The following TRAPPC9 variants were observed in gnomAD, a reference collection of about 807,000 sequenced individuals.
The protein encoded by TRAPPC9 is IKK2 binding protein.
Under a neutral mutation model 124.0 loss-of-function variants are expected in TRAPPC9, and 83 were observed. That is an observed-to-expected ratio of 0.67 (90% CI 0.56 to 0.80). TRAPPC9 has a LOEUF of 0.80. Among genes scored for constraint, TRAPPC9 ranks in the 30% least tolerant of loss-of-function variants. The probability of loss-of-function intolerance (pLI) is 0.00; values close to 1 mark genes in which losing one functional copy is unlikely to be tolerated. For missense variants in TRAPPC9, 1,302 were observed against 1,508.3 expected, an observed-to-expected ratio of 0.86 and a Z score of 2.27; for synonymous variants, 638 against 617.5, an observed-to-expected ratio of 1.03 and a Z score of -0.49.
intron 21 of TRAPPC9, among the ~76,000 whole-genome samples, chr8:139,794,075 T>G (rs987608696): frequency 7.1e-6 from 1 of 140,488 alleles, no homozygotes; most frequent in Non-Finnish European, 1.5e-5. Flanking sequence ...CCTGCCCCAC[T>G]ACTCCTGTCC....
chr8:140,321,133 G>A lies in TRAPPC9; in HGVS notation c.1496-9759C>T, dbSNP rs576986316. The stretch of plus-strand genomic sequence containing the variant: ...GTTGCCTGTGGCACCACTTCACCCC[G>A]GGAGTGGTGCAGATTCTCAACAGGG... On this transcript the variant is annotated intron_variant, in intron 9 of 22. Transcript: ENST00000438773. Among the ~76,000 whole-genome samples the A allele has an allele frequency of 5.9e-5, 9 of 152,358 alleles. No homozygotes were observed. The East Asian group carries it at 1.5e-3, about 26-fold the overall frequency.
In TRAPPC9 at chr8:140,376,285, G is replaced by A. The variant is rs533313681; in HGVS notation, c.1135-5105C>T. Among the ~76,000 whole-genome samples, 256 of 152,128 alleles carry A rather than the reference G, an allele frequency of 1.7e-3. 6 individuals carry two copies. Among genetic ancestry groups the A allele is most frequent in the Admixed American group, 0.01 (155 of 15,280 alleles). On this transcript the variant is annotated intron_variant, in intron 7 of 22. Coordinates refer to ENST00000438773, the MANE Select transcript of TRAPPC9 (RefSeq NM_001160372.4). ...AATCACAGTGTTGGAGGCCGGGCGC[G>A]GTGGCTCACGCCTGTAATCCTAGCA...
intron 11 of TRAPPC9, among the ~76,000 whole-genome samples, chr8:140,291,460 G>C (rs2065657065): frequency 6.6e-6 from 1 of 152,318 alleles, no homozygotes; most frequent in African/African-American, 2.4e-5. Flanking sequence ...AGTGTGATTT[G>C]CCCTATTCCC....
rs367623317 is a variant in TRAPPC9 at position 139,842,627 on chromosome 8, T to C, written c.3055+43252A>G. 1.6e-4 allele frequency among the ~76,000 whole-genome samples: 21 copies of C among 129,718 alleles called. No individual in the cohort carries two copies. In the East Asian group the frequency reaches 2.9e-3, roughly 18 times the overall value. 85.1% of individuals were successfully genotyped at this position (129,718 alleles called of 152,430 possible). Reference sequence around the variant, plus strand: ...CCATGATCACAGCATGGCCCCCGCCTGAGAAGGCTGGACTCCCATGGAGGA... The same window carrying C: ...CCATGATCACAGCATGGCCCCCGCCCGAGAAGGCTGGACTCCCATGGAGGA... On this transcript the variant is annotated intron_variant, in intron 21 of 22. Transcript: ENST00000438773.
intron 17 of TRAPPC9, among the ~76,000 whole-genome samples, chr8:140,049,364 C>T (rs1452516580): frequency 1.3e-5 from 2 of 152,110 alleles, no homozygotes; most frequent in African/African-American, 4.8e-5. Flanking sequence ...TAAGCTGCAA[C>T]CCAGGCTTAC....
chr8:139,800,620 A>G (rs542412152), intron 21 of TRAPPC9, among the ~76,000 whole-genome samples: 2 of 152,172 alleles, frequency 1.3e-5, no homozygotes, highest in African/African-American at 4.8e-5. Context: ...CAGGTTTTTC[A>G]TCTGTATGGA....
chr8:140,185,431 C>G (rs1486023625), intron 17 of TRAPPC9, among the ~76,000 whole-genome samples: 1 of 152,240 alleles, frequency 6.6e-6, no homozygotes. Context: ...AAGTGCGTTT[C>G]TCTCTCCCTT....
At chr8:139,951,982 A>C (rs1834673604) in intron 19 of TRAPPC9, among the ~76,000 whole-genome samples, 1 of 152,188 alleles carries the variant, frequency 6.6e-6, no homozygotes, top group Non-Finnish European at 1.5e-5. Context: ...GATCACACAA[A>C]CATGTATTTT....
At chr8:140,358,557 C>T (rs1353527533) in intron 9 of TRAPPC9, among the ~76,000 whole-genome samples, 9 of 152,240 alleles carry the variant, frequency 5.9e-5, no homozygotes, top group African/African-American at 9.6e-5. Context: ...GCACACCCCA[C>T]GTTACCCTGG....
chr8:140,002,046 A>G (rs1838433251), intron 18 of TRAPPC9, among the ~76,000 whole-genome samples: 1 of 152,210 alleles, frequency 6.6e-6, no homozygotes, highest in South Asian at 2.1e-4. Context: ...AAATAATTCT[A>G]TACAAAATAG....
intron 16 of TRAPPC9, among the ~76,000 whole-genome samples, chr8:140,251,117 C>G (rs1274289678): frequency 6.6e-6 from 1 of 152,174 alleles, no homozygotes; most frequent in African/African-American, 2.4e-5. Flanking sequence ...CACTGTTCCT[C>G]AGGAATAAGA....
intron 17 of TRAPPC9, among the ~76,000 whole-genome samples, chr8:140,030,873 G>C (rs1840457002): frequency 1.3e-5 from 2 of 152,162 alleles, no homozygotes; most frequent in Non-Finnish European, 1.5e-5. Flanking sequence ...AGCTGCAAAG[G>C]GGTCAGAGAA....
At position 139,835,840 on chromosome 8, in the gene TRAPPC9, G is replaced by A. The variant is rs190817699; in HGVS notation, c.3055+50039C>T. Among the ~76,000 whole-genome samples, 11 of 152,112 alleles carry A rather than the reference G, an allele frequency of 7.2e-5. No individual in the cohort carries two copies. In the East Asian group the frequency reaches 9.7e-4, roughly 13 times the overall value. On this transcript the variant is annotated intron_variant, in intron 21 of 22. Transcript: ENST00000438773. ...ACAAAAAGGATGAGGCTCCGAGGAC[G>A]GCAGAGAGTGCAAGAATCACCACCC...
At chr8:140,259,032 G>A (rs1013820685) in intron 15 of TRAPPC9, among the ~76,000 whole-genome samples, 3 of 152,200 alleles carry the variant, frequency 2.0e-5, no homozygotes, top group East Asian at 1.9e-4. Context: ...CCCACCCCGC[G>A]GAGGAAGCAG....
intron 16 of TRAPPC9, chr8:140,238,386 G>A (rs1209977757): frequency 6.6e-6 from 1 of 152,234 alleles, no homozygotes; most frequent in African/African-American, 2.4e-5. Flanking sequence ...TACGGGTGTT[G>A]GAAAACTTTC....
chr8:139,909,101 G>A (rs1276763885), intron 20 of TRAPPC9, among the ~76,000 whole-genome samples: 3 of 94,046 alleles, frequency 3.2e-5, no homozygotes, highest in South Asian at 3.2e-4. Flanking sequence ...TGTGTAGAGC[G>A]AGGACACTTT....
intron 17 of TRAPPC9, among the ~76,000 whole-genome samples, chr8:140,094,542 G>A (rs1399153704): frequency 1.3e-5 from 2 of 152,176 alleles, no homozygotes; most frequent in African/African-American, 4.8e-5. Context: ...ACTCCATCGT[G>A]TATCCACCAT....
At chr8:140,135,835 C>T (rs1033140721) in intron 17 of TRAPPC9, among the ~76,000 whole-genome samples, 2 of 152,176 alleles carry the variant, frequency 1.3e-5, no homozygotes, top group Non-Finnish European at 2.9e-5. Context: ...AGGTAGCAGT[C>T]GCTGTGCTCT....
At chr8:140,219,202 A>C (rs781683424) in intron 17 of TRAPPC9, among the ~76,000 whole-genome samples, 1 of 152,152 alleles carries the variant, frequency 6.6e-6, no homozygotes, top group Non-Finnish European at 1.5e-5. Context: ...GAAGGGGAGA[A>C]GGAAAAACAA....
Sources: gnomAD v4.1 joint callset for allele counts (sites outside exome capture counted in the v4.1 genomes callset) on GRCh38, gnomAD v4.1.1 for gene constraint, MANE v1.5 for transcripts, NCBI Gene and HGNC (gene_info 2026-07-23, HGNC 2026-07-21) for gene names.